CYP2C19: variants seen among roughly 807,000 people sequenced by gnomAD.
CYP2C19 encodes cytochrome P450 2C19.
In CYP2C19, 59 loss-of-function variants were observed where a neutral mutation model predicts 40.9. That is an observed-to-expected ratio of 1.44 (90% CI 1.17 to 1.79). CYP2C19 has a LOEUF of 1.79. CYP2C19 is among the 40% of genes most tolerant of loss of function. CYP2C19 has a pLI of 0.00. For missense variants in CYP2C19, 754 were observed against 596.9 expected (o/e 1.26, Z -2.74); for synonymous variants, 253 against 208.7 (o/e 1.21, Z -1.83).
At chr10:94,848,245 A>C (rs1849601756) in intron 7 of CYP2C19, among the ~76,000 whole-genome samples, 1 of 152,124 alleles carries the variant, frequency 6.6e-6, no homozygotes. Context: ...ATCTTGAATT[A>C]ATTTTTGTAT....
At chr10:94,845,136 G>T (rs376261635) in intron 7 of CYP2C19, among the ~76,000 whole-genome samples, 164 of 152,226 alleles carry the variant, frequency 1.1e-3, no homozygotes, top group African/African-American at 3.9e-3. Flanking sequence ...CTACAGGCTG[G>T]ATCCACTTAT....
intron 5 of CYP2C19, among the ~76,000 whole-genome samples, chr10:94,789,617 C>G (rs931880238): frequency 2.0e-5 from 3 of 151,878 alleles, no homozygotes; most frequent in Non-Finnish European, 4.4e-5. Flanking sequence ...TCCCCTATTT[C>G]TTTTTTTGTC....
At chr10:94,829,783 G>C (rs1457695672) in intron 6 of CYP2C19, among the ~76,000 whole-genome samples, 1 of 151,466 alleles carries the variant, frequency 6.6e-6, no homozygotes, top group Admixed American at 6.6e-5. Context: ...CATCTTTGTG[G>C]TTTTATCTAC....
intron 5 of CYP2C19, among the ~76,000 whole-genome samples, chr10:94,820,096 C>G (rs965874037): frequency 6.6e-6 from 1 of 151,328 alleles, no homozygotes; most frequent in Non-Finnish European, 1.5e-5. Context: ...ATATGCAAAT[C>G]AATAAATGTA....
At chr10:94,852,001 C>T (rs1189584746) in intron 8 of CYP2C19, among the ~76,000 whole-genome samples, 1 of 152,156 alleles carries the variant, frequency 6.6e-6, no homozygotes, top group Non-Finnish European at 1.5e-5. Flanking sequence ...GACCTATGTC[C>T]TGACTGTGGT....
In CYP2C19 at chr10:94,808,578, C is replaced by T. The variant is rs143941089; in HGVS notation, c.820-11918C>T. ...CAATTAGAATTTCCACTCCCCTTCACCCACTCACTGTCCCTCCCAGCCTCT... is the reference window on the plus strand; with the variant it reads ...CAATTAGAATTTCCACTCCCCTTCATCCACTCACTGTCCCTCCCAGCCTCT... On this transcript the variant is annotated intron_variant, in intron 5 of 8. Coordinates refer to ENST00000371321, the MANE Select transcript of CYP2C19 (RefSeq NM_000769.4). Among the ~76,000 whole-genome samples, 5 of 152,274 alleles carry T rather than the reference C, an allele frequency of 3.3e-5. No individual in the cohort carries two copies. The East Asian group carries it at 5.8e-4, about 18-fold the overall frequency.
At chr10:94,807,562 G>T (rs1293170551) in intron 5 of CYP2C19, among the ~76,000 whole-genome samples, 1 of 152,002 alleles carries the variant, frequency 6.6e-6, no homozygotes. Flanking sequence ...GCTGTCTTTT[G>T]TCTTTTTGAT....
intron 5 of CYP2C19, among the ~76,000 whole-genome samples, chr10:94,791,367 C>T (rs1848603333): frequency 6.6e-6 from 1 of 152,032 alleles, no homozygotes; most frequent in Non-Finnish European, 1.5e-5. Flanking sequence ...CTATCTCCTC[C>T]AGTTCTGCTC....
chr10:94,831,656 G>A (rs942947810), intron 6 of CYP2C19, among the ~76,000 whole-genome samples: 1 of 152,106 alleles, frequency 6.6e-6, no homozygotes, highest in African/African-American at 2.4e-5. Flanking sequence ...ATGATCAGTG[G>A]TGTTGACCAC....
chr10:94,833,016 A>G lies in CYP2C19; in HGVS notation c.962-9821A>G, dbSNP rs144084647. 6.9e-3 allele frequency among the ~76,000 whole-genome samples: 1,055 copies of G among 152,206 alleles called. 5 individuals are homozygous for G. Among genetic ancestry groups the G allele is most frequent in the Middle Eastern group, 0.017 (5 of 294 alleles). On this transcript the variant is annotated intron_variant, in intron 6 of 8. Coordinates refer to ENST00000371321, the MANE Select transcript of CYP2C19 (RefSeq NM_000769.4). ...AATTCCTAGGTATTTTATTTTATATATGGCTATTTTAAATGGGATTACATT... is the reference window on the plus strand; with the variant it reads ...AATTCCTAGGTATTTTATTTTATATGTGGCTATTTTAAATGGGATTACATT...
intron 5 of CYP2C19, among the ~76,000 whole-genome samples, chr10:94,797,032 A>C (rs566422542): frequency 6.6e-6 from 1 of 152,194 alleles, no homozygotes; most frequent in African/African-American, 2.4e-5. Flanking sequence ...CACTGCGTTG[A>C]ATAGGAGTGG....
In CYP2C19 at chr10:94,790,963, T is replaced by G. The variant is rs1168995203; in HGVS notation, c.819+8966T>G. On this transcript the variant is annotated intron_variant, in intron 5 of 8. Coordinates refer to ENST00000371321, the MANE Select transcript of CYP2C19 (RefSeq NM_000769.4). ...AATGGCACCAGTTCCTCTTTGTACCTCTGGTGGAATTCAGCTGTGAATCCC... is the reference window on the plus strand; with the variant it reads ...AATGGCACCAGTTCCTCTTTGTACCGCTGGTGGAATTCAGCTGTGAATCCC... Among the ~76,000 whole-genome samples, 3 of 152,258 alleles carry G rather than the reference T, an allele frequency of 2.0e-5. No individual in the cohort carries two copies. In the East Asian group the frequency reaches 5.8e-4, roughly 29 times the overall value.
intron 5 of CYP2C19, among the ~76,000 whole-genome samples, chr10:94,807,677 G>A (rs573835834): frequency 6.6e-6 from 1 of 152,116 alleles, no homozygotes; most frequent in East Asian, 1.9e-4. Flanking sequence ...TTGGCCACTT[G>A]TATGTCTCTT....
chr10:94,828,790 AG>A (rs1424096329), intron 6 of CYP2C19, among the ~76,000 whole-genome samples: 1 of 152,148 alleles, frequency 6.6e-6, no homozygotes, highest in African/African-American at 2.4e-5. Flanking sequence ...ATGATTTTGC[AG>A]CGGCTGGTAC....
chr10:94,841,225 A>G (rs1849490631), intron 6 of CYP2C19, among the ~76,000 whole-genome samples: 1 of 152,216 alleles, frequency 6.6e-6, no homozygotes, highest in Non-Finnish European at 1.5e-5. Context: ...GAACCCGGCA[A>G]CTAGTGTTCA....
At chr10:94,808,396 A>C (rs1326815798) in intron 5 of CYP2C19, among the ~76,000 whole-genome samples, 2 of 152,162 alleles carry the variant, frequency 1.3e-5, no homozygotes, top group South Asian at 4.1e-4. Context: ...AAGATGGTTT[A>C]TCTATCCTCT....
chr10:94,798,756 G>A (rs1185127583), intron 5 of CYP2C19, among the ~76,000 whole-genome samples: 1 of 141,818 alleles, frequency 7.1e-6, no homozygotes, highest in Non-Finnish European at 1.5e-5. Flanking sequence ...GCCTTTGTCT[G>A]TTTTGTTCTT....
chr10:94,786,317 A>T (rs1210764680), intron 5 of CYP2C19, among the ~76,000 whole-genome samples: 1 of 152,122 alleles, frequency 6.6e-6, no homozygotes, highest in Non-Finnish European at 1.5e-5. Flanking sequence ...TTTTTAGATC[A>T]CTTTGAGGAG....
intron 5 of CYP2C19, among the ~76,000 whole-genome samples, chr10:94,805,994 T>C (rs1465896113): frequency 6.6e-6 from 1 of 152,170 alleles, no homozygotes; most frequent in Non-Finnish European, 1.5e-5. Flanking sequence ...TCCAGAGACG[T>C]GGATGATGTG....
Sources: allele counts gnomAD v4.1 joint callset (sites outside exome capture counted in the v4.1 genomes callset), GRCh38; gene constraint gnomAD v4.1.1; transcripts MANE v1.5; gene names NCBI Gene and HGNC (gene_info 2026-07-23, HGNC 2026-07-21).